Variants in KALRN observed in about 807,000 individuals in gnomAD.
The protein encoded by KALRN is kalirin.
KALRN carries 70 observed loss-of-function variants against 353.7 expected under a neutral mutation model. That is an observed-to-expected ratio of 0.20 (90% CI 0.16 to 0.24). The LOEUF (loss-of-function observed/expected upper bound fraction) is 0.24, where lower values mean the gene tolerates loss of function less well. Among genes scored for constraint, KALRN ranks in the 10% least tolerant of loss-of-function variants. The pLI, the probability that KALRN is intolerant of heterozygous loss-of-function variation, is 1.00. For synonymous variants in KALRN, 1,391 were observed against 1,434.8 expected (o/e 0.97, Z 0.69); for missense variants, 2,791 against 3,756.7 (o/e 0.74, Z 6.72).
chr3:124,069,972 G>A lies in KALRN; in HGVS notation c.73+36159G>A, dbSNP rs552070449. On this transcript the variant is annotated intron_variant, in intron 1 of 59. Coordinates refer to ENST00000682506, the MANE Select transcript of KALRN (RefSeq NM_001388419.1). ...GCGAATGGGCTTGACTAGCAGGCATGTATTTAGATATCATCTTGCTTTGAA... is the reference window on the plus strand; with the variant it reads ...GCGAATGGGCTTGACTAGCAGGCATATATTTAGATATCATCTTGCTTTGAA... 6.4e-4 allele frequency among the ~76,000 whole-genome samples: 98 copies of A among 152,254 alleles called. 3 individuals carry two copies. In the South Asian group the frequency reaches 0.02, roughly 31 times the overall value.
At chr3:124,509,986 A>G (rs1021681576) in intron 33 of KALRN, among the ~76,000 whole-genome samples, 1 of 152,232 alleles carries the variant, frequency 6.6e-6, no homozygotes, top group Non-Finnish European at 1.5e-5. Flanking sequence ...CAGAAAAGCT[A>G]TGAAAGCAAA....
At position 124,227,738 on chromosome 3, in the gene KALRN, G is replaced by A. The variant is rs891846539; in HGVS notation, c.74-252G>A. On this transcript the variant is annotated intron_variant, in intron 1 of 59. Transcript: ENST00000682506. ...CTGCATGGAGGTTTCTCCATGTGGG[G>A]AGGGTGACTTGGATTGTCCTCTCCT... Among the ~76,000 whole-genome samples, 5 of 129,572 alleles carry A rather than the reference G, an allele frequency of 3.9e-5. No homozygotes were observed. In the Admixed American group the frequency reaches 4.7e-4, roughly 12 times the overall value. The allele number at this position is 129,572 out of a possible 152,430, so 85.0% of individuals were successfully genotyped here. A position where few individuals can be genotyped will look rare whatever the true frequency, so the allele number is the denominator to read the frequency against.
At chr3:124,440,433 A>G (rs1393378343) in intron 18 of KALRN, among the ~76,000 whole-genome samples, 1 of 152,050 alleles carries the variant, frequency 6.6e-6, no homozygotes, top group Non-Finnish European at 1.5e-5. Context: ...CTTTATTTAT[A>G]TTCATTAGTT....
chr3:124,538,395 G>T (rs182438799), intron 33 of KALRN, among the ~76,000 whole-genome samples: 1 of 152,240 alleles, frequency 6.6e-6, no homozygotes, highest in South Asian at 2.1e-4. Context: ...TTATCACTGG[G>T]TGATAGTTGT....
chr3:124,535,317 C>T (rs1454491924), intron 33 of KALRN, among the ~76,000 whole-genome samples: 1 of 152,168 alleles, frequency 6.6e-6, no homozygotes, highest in Non-Finnish European at 1.5e-5. Context: ...CAAGTGTTCC[C>T]TGTATTCACT....
Position 124,248,411 on chromosome 3 carries a change from G to A in KALRN, c.263+13468G>A, listed in dbSNP as rs1202821020. ...GGCCAGAGGTGGGTGGACTGGCACT[G>A]TGGCAGAGTGGGGCAGAGCCTTCTG... On this transcript the variant is annotated intron_variant, in intron 3 of 59. Transcript: ENST00000682506. Among the ~76,000 whole-genome samples the A allele has an allele frequency of 2.0e-5, 3 of 152,232 alleles. No individual in the cohort carries two copies. The East Asian group carries it at 5.8e-4, about 29-fold the overall frequency.
intron 34 of KALRN, among the ~76,000 whole-genome samples, chr3:124,630,214 T>C (rs192075285): frequency 6.6e-6 from 1 of 152,288 alleles, no homozygotes; most frequent in East Asian, 1.9e-4. Flanking sequence ...TTGCTCAATG[T>C]GGTTTTCCTG....
chr3:124,585,572 C>A (rs2075089467), intron 34 of KALRN, among the ~76,000 whole-genome samples: 1 of 152,046 alleles, frequency 6.6e-6, no homozygotes, highest in African/African-American at 2.4e-5. Context: ...AACCAATTTC[C>A]CCCAAAGCAG....
chr3:124,369,024 TGAGAGGGAGACCGTGGAAA>T (rs1355118599), intron 10 of KALRN, among the ~76,000 whole-genome samples: 5 of 151,574 alleles, frequency 3.3e-5, no homozygotes, highest in Non-Finnish European at 1.5e-5. Context: ...CGGCTCCGCA[TGAGAGGGAGACCGTGGAAA>T]GAGAGGGAGA....
rs9868165 is a variant in KALRN, at chr3:124,240,388, G to A, written c.263+5445G>A. Reference sequence around the variant, plus strand: ...CTTTAACCAAGACACAGTTTATAAGGCTGTGGGCAGAGAACAGAGAAACCA... The same window carrying A: ...CTTTAACCAAGACACAGTTTATAAGACTGTGGGCAGAGAACAGAGAAACCA... On this transcript the variant is annotated intron_variant, in intron 3 of 59. Transcript: ENST00000682506. Among the ~76,000 whole-genome samples, 1,013 of 152,278 alleles carry A rather than the reference G, an allele frequency of 6.7e-3. 12 individuals carry two copies. The highest frequency in any genetic ancestry group is 0.023 in the African/African-American group (941 of 41,554).
intron 49 of KALRN, among the ~76,000 whole-genome samples, chr3:124,676,358 A>T (rs1578891455): frequency 2.0e-5 from 3 of 152,224 alleles, no homozygotes. Flanking sequence ...AGTGGAGGAC[A>T]CTCAGCACAC....
chr3:124,319,354 A>C (rs1023397084), intron 6 of KALRN, among the ~76,000 whole-genome samples: 1 of 151,238 alleles, frequency 6.6e-6, no homozygotes, highest in African/African-American at 2.4e-5. Context: ...ATACCAATAA[A>C]CCCCTAGCAT....
At chr3:124,651,633 C>T (rs1329834420) in intron 38 of KALRN, among the ~76,000 whole-genome samples, 1 of 132,618 alleles carries the variant, frequency 7.5e-6, no homozygotes, top group Non-Finnish European at 1.5e-5. Flanking sequence ...TTTTTCTTTT[C>T]TATCTTTTTT....
intron 9 of KALRN, among the ~76,000 whole-genome samples, chr3:124,345,713 A>G (rs1295826552): frequency 6.6e-6 from 1 of 152,132 alleles, no homozygotes; most frequent in Non-Finnish European, 1.5e-5. Flanking sequence ...CATTAAGTGG[A>G]TATTTGTTAA....
chr3:124,699,805 A>G, intron 55 of KALRN, 64 bp from the exon 56 acceptor site: 1 of 1,486,164 alleles, frequency 6.7e-7, no homozygotes, highest in Non-Finnish European at 9.3e-7. Context: ...TTGTTTGCTG[A>G]AGGTCTTTGA....
chr3:124,464,027 A>T (rs2060098843), intron 25 of KALRN, among the ~76,000 whole-genome samples: 1 of 152,180 alleles, frequency 6.6e-6, no homozygotes, highest in Admixed American at 6.5e-5. Flanking sequence ...CAGATGTAGA[A>T]ATATCATGTC....
At chr3:124,519,108 T>A in intron 33 of KALRN, 2 of 985,770 alleles carry the variant, frequency 2.0e-6, no homozygotes, top group Non-Finnish European at 2.4e-6. Flanking sequence ...TTCTAGCTCC[T>A]CCATAACCTC....
intron 51 of KALRN, among the ~76,000 whole-genome samples, chr3:124,680,758 T>A (rs2087695896): frequency 6.6e-6 from 1 of 152,144 alleles, no homozygotes; most frequent in Admixed American, 6.5e-5. Flanking sequence ...TCTGCCAGGA[T>A]AGAGTAGTCC....
intron 9 of KALRN, among the ~76,000 whole-genome samples, chr3:124,339,811 A>G (rs2081504183): frequency 6.6e-6 from 1 of 152,210 alleles, no homozygotes; most frequent in South Asian, 2.1e-4. Context: ...TCTTTAGTTT[A>G]CCTAAAACAT....
Sources: allele counts gnomAD v4.1 joint callset (sites outside exome capture counted in the v4.1 genomes callset), GRCh38; gene constraint gnomAD v4.1.1; transcripts MANE v1.5; gene names NCBI Gene and HGNC (gene_info 2026-07-23, HGNC 2026-07-21).